The following TPM4 variants were observed in gnomAD, a reference collection of about 807,000 sequenced individuals.
The protein encoded by TPM4 is tropomyosin alpha-4 chain.
A neutral mutation model predicts 35.8 loss-of-function variants in TPM4; 17 were observed. The ratio of observed to expected loss-of-function variants is 0.47; its 90% confidence interval spans 0.32 to 0.71. The LOEUF (loss-of-function observed/expected upper bound fraction) is 0.71, where lower values mean the gene tolerates loss of function less well. Ranked by LOEUF, TPM4 falls within the 30% of genes least tolerant of loss-of-function variation. The probability of loss-of-function intolerance (pLI) is 0.03; values close to 1 mark genes in which losing one functional copy is unlikely to be tolerated. For synonymous variants in TPM4, 120 were observed against 122.9 expected (o/e 0.98, Z 0.15); for missense variants, 240 against 320.9 (o/e 0.75, Z 1.93).
chr19:16,078,898 T>C (rs2090446989), intron 1 of TPM4, among the ~76,000 whole-genome samples: 2 of 151,794 alleles, frequency 1.3e-5, no homozygotes, highest in Admixed American at 6.6e-5. Context: ...GGTAGACTTC[T>C]GGGCCTGTTT....
chr19:16,087,519 G>T (rs1286439315), intron 3 of TPM4, among the ~76,000 whole-genome samples: 1 of 152,166 alleles, frequency 6.6e-6, no homozygotes, highest in Non-Finnish European at 1.5e-5. Flanking sequence ...AGAGGTTGCA[G>T]TGAGTCAAGG....
rs936274287 is a variant in TPM4, at chr19:16,088,610, G to A, written c.456-435G>A. On this transcript the variant is annotated intron_variant, in intron 4 of 7. Coordinates refer to ENST00000643579, the MANE Select transcript of TPM4 (RefSeq NM_003290.3). ...AGGAATTCAGCCCCACAGAGCATCC[G>A]GGAGTGCTGAGAGAGATCTGGTTTC... The A allele has an allele frequency of 1.4e-5, 15 of 1,037,534 alleles. 1 individual carries two copies. The Middle Eastern group carries it at 1.5e-3, about 101-fold the overall frequency. 64.3% of individuals were successfully genotyped at this position (1,037,534 alleles called of 1,614,324 possible).
intron 5 of TPM4, among the ~76,000 whole-genome samples, chr19:16,091,931 C>T (rs922750338): frequency 3.9e-5 from 6 of 152,116 alleles, no homozygotes; most frequent in South Asian, 4.2e-4. Flanking sequence ...ATTGGGAGGC[C>T]GAGGCAGGCG....
At chr19:16,076,731 G>T (rs981500567) in intron 1 of TPM4, 34 bp downstream of exon 1, 1 of 1,299,010 alleles carries the variant, frequency 7.7e-7, no homozygotes, top group South Asian at 2.1e-5. Context: ...CGCACCCGCA[G>T]CCTCCTCCCC....
rs752742220 is a variant in TPM4 at position 16,089,126 on chromosome 19, T to A, written c.531+6T>A. 3 of 1,613,058 alleles carry A rather than the reference T, an allele frequency of 1.9e-6. No homozygotes were observed. Among genetic ancestry groups the A allele is most frequent in the South Asian group, 1.1e-5 (1 of 91,044 alleles). On this transcript the variant is annotated splice_donor_region_variant and intron_variant, in intron 5 of 7. Coordinates refer to ENST00000643579, the MANE Select transcript of TPM4 (RefSeq NM_003290.3). The stretch of plus-strand genomic sequence containing the variant: ...TGGAGGCTGCATCTGAAAAGGTAGG[T>A]GGTTGGCTTGAGCTGGAGGGTGGCT...
In TPM4 at chr19:16,076,690, G is replaced by C; in HGVS notation, c.125G>C (p.Arg42Pro). 7.4e-7 allele frequency: 1 copy of C among 1,354,736 alleles called. No individual in the cohort carries two copies. The highest frequency in any genetic ancestry group is 9.5e-7 in the Non-Finnish European group (1 of 1,054,246). 83.9% of individuals were successfully genotyped at this position (1,354,736 alleles called of 1,614,324 possible). A position where few individuals can be genotyped will look rare whatever the true frequency, so the allele number is the denominator to read the frequency against. The change falls in exon 1 of 8, where the codon CGC (arginine) becomes CCC (proline). Residue 42 changes from arginine to proline, a missense_variant. Physicochemically the swap from Arg to Pro is moderately radical, Grantham distance 103. Coordinates refer to ENST00000643579, the MANE Select transcript of TPM4 (RefSeq NM_003290.3). The part of the protein sequence containing the change: ...QRELDGERER[R>P]EKAEGDVAAL... ...GAGCTGGACGGCGAGCGCGAGCGGC[G>C]CGAGAAAGTGAGCGCCCCGGCCTCG...
chr19:16,069,879 T>G (rs1599356298), intron 2 of TPM4, among the ~76,000 whole-genome samples: 1 of 152,186 alleles, frequency 6.6e-6, no homozygotes, highest in East Asian at 1.9e-4. Flanking sequence ...AGGGGGGCTG[T>G]GCGAACCTGT....
intron 2 of TPM4, among the ~76,000 whole-genome samples, chr19:16,082,731 C>T (rs2144931916): frequency 6.6e-6 from 1 of 152,214 alleles, no homozygotes; most frequent in South Asian, 2.1e-4. Flanking sequence ...GTGATTCCTG[C>T]CTGTGCTCCC....
chr19:16,085,567 C>G (rs1189891416), intron 2 of TPM4, among the ~76,000 whole-genome samples: 1 of 151,898 alleles, frequency 6.6e-6, no homozygotes, highest in Non-Finnish European at 1.5e-5. Flanking sequence ...CACCATCTCT[C>G]AAAATAAAAG....
chr19:16,089,162 T>C (rs750602580), intron 5 of TPM4, 42 bp downstream of exon 5: 1 of 1,611,206 alleles, frequency 6.2e-7, no homozygotes, highest in East Asian at 2.2e-5. Context: ...TGCTGGACTT[T>C]GTTCTTTTCT....
At chr19:16,071,103 G>T (rs1290446245) in intron 2 of TPM4, among the ~76,000 whole-genome samples, 2 of 152,180 alleles carry the variant, frequency 1.3e-5, no homozygotes, top group Non-Finnish European at 2.9e-5. Flanking sequence ...ATGCCCACTG[G>T]AGTAGACTTG....
chr19:16,080,532 C>T (rs977778385), intron 1 of TPM4: 9 of 190,038 alleles, frequency 4.7e-5, no homozygotes, highest in Non-Finnish European at 9.9e-5. Context: ...AAAGCACGGT[C>T]GGGCGCAGTG....
rs1233634772 is a variant in TPM4, at chr19:16,070,271, T to G, written c.114+2533T>G. Among the ~76,000 whole-genome samples, 1 of 152,104 alleles carries G rather than the reference T, an allele frequency of 6.6e-6. No individual in the cohort carries two copies. The highest frequency in any genetic ancestry group is 1.5e-5 in the Non-Finnish European group (1 of 68,020). ...TGGGAACCCTGGCAATGAGAATGCATTGGAGTTCCAAGGCCGTGGCCATGG... is the reference window on the plus strand; with the variant it reads ...TGGGAACCCTGGCAATGAGAATGCAGTGGAGTTCCAAGGCCGTGGCCATGG... On this transcript the variant is annotated intron_variant, in intron 2 of 2. Coordinates refer to the TPM4 transcript ENST00000589897. The surrounding 1 kb of genome is among the most constrained non-coding windows in gnomAD (Gnocchi z 7.4).
chr19:16,089,228 C>CAGT, intron 5 of TPM4, 108 bp downstream of exon 5: 2 of 1,446,004 alleles, frequency 1.4e-6, no homozygotes, highest in Non-Finnish European at 1.9e-6. Flanking sequence ...CTTTATTTAA[C>CAGT]AGTAGCGTTG....
intron 7 of TPM4, among the ~76,000 whole-genome samples, chr19:16,094,467 C>G (rs1480394262): frequency 6.6e-6 from 1 of 150,970 alleles, no homozygotes; most frequent in African/African-American, 2.4e-5. Flanking sequence ...ACCTGGGAGG[C>G]GGAGGTTGCA....
rs2090595603 is a variant in TPM4, at chr19:16,089,185, TGCA to T, written c.531+67_531+69del. The T allele has an allele frequency of 4.4e-6, 7 of 1,598,226 alleles. No individual in the cohort carries two copies. The African/African-American group carries it at 9.4e-5, about 21-fold the overall frequency. ...TTTGTTCTTTTCTTCTCCCGAGGGA[TGCA>T]GGAGCCTGTCAGGTTATGGGGAATC... On this transcript the variant is annotated intron_variant, in intron 5 of 7. Transcript: ENST00000643579.
chr19:16,093,634 C>T (rs1290100109), intron 6 of TPM4, 36 bp downstream of exon 6: 15 of 1,614,062 alleles, frequency 9.3e-6, no homozygotes, highest in African/African-American at 1.3e-5. Flanking sequence ...TCTGGTTTCT[C>T]CTGGGGCTGG....
chr19:16,096,808 C>G (rs1183224141), intron 7 of TPM4, among the ~76,000 whole-genome samples: 1 of 152,064 alleles, frequency 6.6e-6, no homozygotes, highest in Non-Finnish European at 1.5e-5. Context: ...ACATCAATCT[C>G]CATTCATATT....
chr19:16,076,921 C>T, intron 1 of TPM4: 1 of 1,021,344 alleles, frequency 9.8e-7, no homozygotes, highest in Non-Finnish European at 1.2e-6. Flanking sequence ...GGCGCCGCCT[C>T]CGGGTCGGGC....
Sources: allele counts gnomAD v4.1 joint callset (sites outside exome capture counted in the v4.1 genomes callset), GRCh38; gene constraint gnomAD v4.1.1; non-coding constraint Gnocchi (gnomAD v3.1); transcripts MANE v1.5; gene names NCBI Gene and HGNC (gene_info 2026-07-23, HGNC 2026-07-21).